THSD7B: variants seen among roughly 807,000 people sequenced by gnomAD.
THSD7B encodes the protein thrombospondin type 1 domain containing 7B.
Under a neutral mutation model 213.6 loss-of-function variants are expected in THSD7B, and 138 were observed. The ratio of observed to expected loss-of-function variants is 0.65; its 90% CI spans 0.56 to 0.74. The LOEUF (loss-of-function observed/expected upper bound fraction) is 0.74, where lower values mean the gene tolerates loss of function less well. THSD7B is among the 30% of genes least tolerant of loss of function. The pLI is 0.00. For synonymous variants in THSD7B, 742 were observed against 687.0 expected (o/e 1.08, Z -1.25); for missense variants, 1,931 against 1,991.5 (o/e 0.97, Z 0.58).
chr2:137,341,411 T>G (rs1264533193), intron 12 of THSD7B, among the ~76,000 whole-genome samples: 1 of 151,712 alleles, frequency 6.6e-6, no homozygotes, highest in East Asian at 1.9e-4. Flanking sequence ...TCTTAATTGT[T>G]TTCCTTGCTA....
chr2:137,362,982 G>T (rs1488943519), intron 12 of THSD7B, among the ~76,000 whole-genome samples: 3 of 152,138 alleles, frequency 2.0e-5, no homozygotes, highest in African/African-American at 7.2e-5. Flanking sequence ...CCACATAGTT[G>T]GGAGTAAAGC....
chr2:137,327,779 T>TTCTTTTTAGCACA (rs1684405159), intron 12 of THSD7B, among the ~76,000 whole-genome samples: 2 of 152,254 alleles, frequency 1.3e-5, no homozygotes, highest in Non-Finnish European at 2.9e-5. Flanking sequence ...TAAAATTAGT[T>TTCTTTTTAGCACA]ATACTTTCTT....
At chr2:137,141,680 TGTGC>T (rs1471003396) in intron 5 of THSD7B, among the ~76,000 whole-genome samples, 4 of 71,652 alleles carry the variant, frequency 5.6e-5, no homozygotes, top group Admixed American at 4.3e-4. Context: ...TGTGTGTGTA[TGTGC>T]GTGTGTGTGT....
chr2:136,889,784 C>A (rs576286309), intron 2 of THSD7B, among the ~76,000 whole-genome samples: 27 of 152,184 alleles, frequency 1.8e-4, no homozygotes, highest in Non-Finnish European at 3.7e-4. Flanking sequence ...TCCCCCTGCA[C>A]AGCCTGCATA....
chr2:137,159,231 A>C (rs1347857574), intron 5 of THSD7B, among the ~76,000 whole-genome samples: 2 of 152,166 alleles, frequency 1.3e-5, no homozygotes, highest in East Asian at 3.9e-4. Flanking sequence ...CAGGGGTCTC[A>C]GAACAGCCTA....
intron 12 of THSD7B, among the ~76,000 whole-genome samples, chr2:137,375,636 T>C (rs1685636550): frequency 6.6e-6 from 1 of 152,180 alleles, no homozygotes; most frequent in Non-Finnish European, 1.5e-5. Context: ...CCACCATTAC[T>C]CAGACTTCTA....
At chr2:137,429,303 T>C (rs535015742) in intron 14 of THSD7B, among the ~76,000 whole-genome samples, 1 of 152,344 alleles carries the variant, frequency 6.6e-6, no homozygotes, top group East Asian at 1.9e-4. Context: ...TCATGAATTA[T>C]ATGTGAATTA....
chr2:137,652,555 C>T (rs545182655), intron 21 of THSD7B, among the ~76,000 whole-genome samples: 2 of 152,180 alleles, frequency 1.3e-5, no homozygotes, highest in Admixed American at 6.5e-5. Flanking sequence ...TCTATTTACA[C>T]TCAGTGTTAT....
intron 4 of THSD7B, among the ~76,000 whole-genome samples, chr2:137,111,969 T>C (rs910798892): frequency 6.6e-6 from 1 of 151,970 alleles, no homozygotes; most frequent in East Asian, 1.9e-4. Context: ...AGATGGGAGG[T>C]TGAAAAGGTC....
At chr2:137,180,048 T>C (rs946559460) in intron 7 of THSD7B, among the ~76,000 whole-genome samples, 1 of 152,122 alleles carries the variant, frequency 6.6e-6, no homozygotes, top group African/African-American at 2.4e-5. Flanking sequence ...GGTTCAGAAA[T>C]GGGTAACGTT....
At chr2:137,022,638 C>CT (rs68006016) in intron 2 of THSD7B, among the ~76,000 whole-genome samples, 13,346 of 149,354 alleles carry the variant, frequency 0.089, 611 homozygotes, top group Middle Eastern at 0.12. Context: ...TTCCTTTTAA[C>CT]TTTTTTTTTT....
chr2:137,203,913 C>G (rs1004503122), intron 7 of THSD7B, among the ~76,000 whole-genome samples: 19 of 152,074 alleles, frequency 1.2e-4, no homozygotes, highest in Admixed American at 1.0e-3. Context: ...TCATTGCACC[C>G]TCTCCTCACA....
At chr2:137,114,352 C>T (rs917314132) in intron 4 of THSD7B, among the ~76,000 whole-genome samples, 1 of 152,104 alleles carries the variant, frequency 6.6e-6, no homozygotes, top group South Asian at 2.1e-4. Flanking sequence ...TAAAATAATT[C>T]TCTAGGTATG....
chr2:137,156,860 G>A (rs1410118966), intron 5 of THSD7B, among the ~76,000 whole-genome samples: 2 of 152,152 alleles, frequency 1.3e-5, no homozygotes, highest in Non-Finnish European at 2.9e-5. Flanking sequence ...CCAACATCAA[G>A]TACAGAGGTT....
At chr2:137,492,238 A>G (rs575599202) in intron 15 of THSD7B, among the ~76,000 whole-genome samples, 7 of 152,284 alleles carry the variant, frequency 4.6e-5, no homozygotes, top group African/African-American at 1.7e-4. Context: ...CCATTTTATA[A>G]CTACAAAATG....
intron 14 of THSD7B, among the ~76,000 whole-genome samples, chr2:137,443,613 AT>A (rs1220914120): frequency 6.6e-6 from 1 of 151,904 alleles, no homozygotes; most frequent in Non-Finnish European, 1.5e-5. Context: ...CATAGTAATT[AT>A]TTTTTTCTAC....
intron 5 of THSD7B, among the ~76,000 whole-genome samples, chr2:137,128,360 T>C (rs1221623525): frequency 6.6e-6 from 1 of 152,216 alleles, no homozygotes; most frequent in Non-Finnish European, 1.5e-5. Context: ...TATTTTGAGA[T>C]TGAGAAGAAT....
At chr2:137,536,812 G>T (rs369996623) in intron 15 of THSD7B, among the ~76,000 whole-genome samples, 45 of 151,738 alleles carry the variant, frequency 3.0e-4, no homozygotes, top group African/African-American at 1.0e-3. Flanking sequence ...ACAAAGAGGT[G>T]CTTTTGATTG....
intron 12 of THSD7B, among the ~76,000 whole-genome samples, chr2:137,290,056 G>A (rs148966343): frequency 1.3e-5 from 2 of 151,280 alleles, no homozygotes; most frequent in African/African-American, 2.4e-5. Flanking sequence ...CGGTAGTTAC[G>A]CATGATCTTC....
Sources: gnomAD v4.1 joint callset for allele counts (sites outside exome capture counted in the v4.1 genomes callset) on GRCh38, gnomAD v4.1.1 for gene constraint, MANE v1.5 for transcripts, NCBI Gene and HGNC (gene_info 2026-07-23, HGNC 2026-07-21) for gene names.